UNG: variants seen among roughly 807,000 people sequenced by gnomAD.
The protein encoded by UNG is uracil-DNA glycosylase.
A neutral mutation model predicts 36.5 loss-of-function variants in UNG; 34 were observed. The ratio of observed to expected loss-of-function variants is 0.93; its 90% CI spans 0.71 to 1.24. UNG has a LOEUF of 1.24. Ranked by LOEUF, UNG falls within the 50% of genes most tolerant of loss-of-function variation. The pLI is 0.00. For synonymous variants in UNG, 172 were observed against 157.8 expected (o/e 1.09, Z -0.67); for missense variants, 391 against 397.6 (o/e 0.98, Z 0.14).
rs779824297 is a variant in UNG, at chr12:109,102,868, C to T, written c.563C>T (p.Thr188Ile). 5 of 1,611,858 alleles carry T rather than the reference C, an allele frequency of 3.1e-6. No individual in the cohort carries two copies. Among genetic ancestry groups the T allele is most frequent in the African/African-American group, 1.3e-5 (1 of 74,592 alleles). The change falls in exon 5 of 7, where the codon ACA (threonine) becomes ATA (isoleucine). Residue 188 changes from threonine to isoleucine, a missense_variant. Physicochemically the swap from Thr to Ile is moderately conservative, Grantham distance 89. Transcript: ENST00000242576. Reference sequence around the variant, plus strand: ...GAGAACATTTATAAAGAGTTGTCTACAGACATAGAGGATTTTGTTCATCCT... The same window carrying T: ...GAGAACATTTATAAAGAGTTGTCTATAGACATAGAGGATTTTGTTCATCCT... ...SLENIYKELS[T>I]DIEDFVHPGH...
intron 1 of UNG, 122 bp downstream of exon 1, chr12:109,097,933 T>C (rs545462096): frequency 7.5e-7 from 1 of 1,333,926 alleles, no homozygotes; most frequent in East Asian, 2.6e-5. Context: ...GCTTTCCAAA[T>C]AGCCTCCACG....
rs775976001 is a variant in UNG at position 109,102,938 on chromosome 12, G to A, written c.622+11G>A. 4.6e-6 allele frequency: 7 copies of A among 1,530,344 alleles called. No individual in the cohort carries two copies. The highest frequency in any genetic ancestry group is 3.4e-5 in the Admixed American group (2 of 59,436). The allele number at this position is 1,530,344 out of a possible 1,614,324, so 94.8% of individuals were successfully genotyped here. ...GGTGGGCCAAGCAAGGTAAGCCAGCGACTGCTAGATTTTTTTTTTTTTTTT... is the reference window on the plus strand; with the variant it reads ...GGTGGGCCAAGCAAGGTAAGCCAGCAACTGCTAGATTTTTTTTTTTTTTTT... On this transcript the variant is annotated intron_variant, in intron 5 of 6. Coordinates refer to ENST00000242576, the MANE Select transcript of UNG (RefSeq NM_080911.3).
Position 109,109,993 on chromosome 12 carries a change from G to C in UNG, c.*24G>C, listed in dbSNP as rs1196655620. Reference sequence around the variant, plus strand: ...GATCATCAGCTGAGGGGTGGCCTTTGAGAAGCTGCTGTTAACGTATTTGCC... The same window carrying C: ...GATCATCAGCTGAGGGGTGGCCTTTCAGAAGCTGCTGTTAACGTATTTGCC... On this transcript the variant is annotated 3_prime_UTR_variant, in exon 7 of 7. Coordinates refer to ENST00000242576, the MANE Select transcript of UNG (RefSeq NM_080911.3). The C allele has an allele frequency of 6.2e-7, 1 of 1,614,076 alleles. No homozygotes were observed. The highest frequency in any genetic ancestry group is 1.7e-5 in the Admixed American group (1 of 60,018).
chr12:109,110,432 C>T lies in UNG; in HGVS notation c.*463C>T, dbSNP rs55947010. ...GGCATGCCAGTCTCTGCCAGTTCCA[C>T]TGCCCCCTTGATCTTTGAAGGAGTC... On this transcript the variant is annotated 3_prime_UTR_variant, in exon 7 of 7. Transcript: ENST00000242576. 275 of 208,686 alleles carry T rather than the reference C, an allele frequency of 1.3e-3. 1 individual carries two copies. Among genetic ancestry groups the T allele is most frequent in the African/African-American group, 5.6e-3 (248 of 43,962 alleles). The allele number at this position is 208,686 out of a possible 1,614,324, so 12.9% of individuals were successfully genotyped here.
At chr12:109,099,545 C>G (rs1232645293) in intron 3 of UNG, among the ~76,000 whole-genome samples, 4 of 152,258 alleles carry the variant, frequency 2.6e-5, no homozygotes, top group South Asian at 2.1e-4. Context: ...AACTAACCTC[C>G]CGCGGTGTCA....
Position 109,103,506 on chromosome 12 carries a change from G to T in UNG, c.696G>T (p.Glu232Asp). The stretch of plus-strand genomic sequence containing the variant: ...ACTCTCATAAGGAGCGAGGCTGGGA[G>T]CAGTTCACTGATGCAGTTGTGTCCT... ...QANSHKERGW[E>D]QFTDAVVSWL... The change falls in exon 6 of 7, where the codon GAG becomes GAT. Residue 232 changes from glutamate (E) to aspartate (D), a missense_variant. Physicochemically the swap from Glu to Asp is conservative, Grantham distance 45 (BLOSUM62 2). Coordinates refer to ENST00000242576, the MANE Select transcript of UNG (RefSeq NM_080911.3). 1 of 1,614,254 alleles carries T rather than the reference G, an allele frequency of 6.2e-7. No homozygotes were observed. The highest frequency in any genetic ancestry group is 8.5e-7 in the Non-Finnish European group (1 of 1,180,046).
chr12:109,098,746 C>G (rs554239972), intron 2 of UNG, 108 bp downstream of exon 2: 1 of 1,387,762 alleles, frequency 7.2e-7, no homozygotes, highest in South Asian at 1.2e-5. Flanking sequence ...TTAGGTTGTA[C>G]CCCCTTCAAC....
intron 6 of UNG, 34 bp downstream of exon 6, chr12:109,103,645 T>C: frequency 6.4e-7 from 1 of 1,554,680 alleles, no homozygotes; most frequent in South Asian, 1.2e-5. Context: ...TTTTCTTTTT[T>C]TTTTAACACT....
At chr12:109,098,235 C>G (rs375562618) in intron 1 of UNG, 197 bp from the exon 2 acceptor site, 6 of 1,488,540 alleles carry the variant, frequency 4.0e-6, no homozygotes, top group Non-Finnish European at 8.9e-7. Flanking sequence ...CAGCCCGTCT[C>G]CCCGCTCCAG....
intron 3 of UNG, among the ~76,000 whole-genome samples, chr12:109,100,593 C>T (rs2042169023): frequency 6.6e-6 from 1 of 152,074 alleles, no homozygotes; most frequent in Non-Finnish European, 1.5e-5. Context: ...TGTTTGAATG[C>T]CCTATTCTGA....
At position 109,109,865 on chromosome 12, in the gene UNG, C is replaced by G; in HGVS notation, c.838C>G (p.Pro280Ala). The change falls in exon 7 of 7, where the codon CCT becomes GCT. Residue 280 changes from proline (P) to alanine (A), a missense_variant. Pro to Ala is a conservative substitution (Grantham distance 27). Transcript: ENST00000242576. ...TGTACTACAGACGGCTCATCCCTCC[C>G]CTTTGTCAGTGTATAGAGGGTTCTT... is the stretch of plus-strand genomic sequence containing the variant. The part of the protein sequence containing the change: ...HHVLQTAHPS[P>A]LSVYRGFFGC... The G allele has an allele frequency of 6.2e-7, 1 of 1,614,142 alleles. No individual in the cohort carries two copies. The highest frequency in any genetic ancestry group is 8.5e-7 in the Non-Finnish European group (1 of 1,180,032).
chr12:109,104,732 TC>T (rs2042203907), intron 6 of UNG, among the ~76,000 whole-genome samples: 1 of 151,924 alleles, frequency 6.6e-6, no homozygotes, highest in African/African-American at 2.4e-5. Context: ...AGGGGTGTGT[TC>T]ATCCCTGGCA....
At chr12:109,102,486 A>G (rs1330833185) in intron 4 of UNG, among the ~76,000 whole-genome samples, 3 of 151,956 alleles carry the variant, frequency 2.0e-5, no homozygotes, top group Non-Finnish European at 2.9e-5. Context: ...AAAAAAAAAA[A>G]GAACCACTGC....
chr12:109,107,724 C>T (rs1470029774), intron 6 of UNG, among the ~76,000 whole-genome samples: 1 of 151,662 alleles, frequency 6.6e-6, no homozygotes, highest in Non-Finnish European at 1.5e-5. Flanking sequence ...GGAGTTTCTT[C>T]ATGTTGGTCA....
At chr12:109,100,077 C>T (rs145296454) in intron 3 of UNG, among the ~76,000 whole-genome samples, 3 of 150,132 alleles carry the variant, frequency 2.0e-5, no homozygotes, top group African/African-American at 7.5e-5. Flanking sequence ...AAAAAAAAAA[C>T]CGTGGCTTCT....
chr12:109,107,586 C>T (rs1218572108), intron 6 of UNG, among the ~76,000 whole-genome samples: 3 of 138,588 alleles, frequency 2.2e-5, no homozygotes, highest in East Asian at 2.2e-4. Flanking sequence ...AGTGCAATGG[C>T]GTGATCTCAG....
At chr12:109,103,683 G>C in intron 6 of UNG, 72 bp downstream of exon 6, 6 of 1,474,484 alleles carry the variant, frequency 4.1e-6, no homozygotes, top group Non-Finnish European at 5.5e-6. Flanking sequence ...AATTCTAGGA[G>C]TCCCTGCTGT....
At chr12:109,100,969 C>T (rs986246397) in intron 3 of UNG, among the ~76,000 whole-genome samples, 2 of 152,108 alleles carry the variant, frequency 1.3e-5, no homozygotes, top group African/African-American at 4.8e-5. Flanking sequence ...GTGACAGGAA[C>T]TTCATTTCAT....
intron 6 of UNG, among the ~76,000 whole-genome samples, chr12:109,109,365 G>A (rs755288250): frequency 1.3e-5 from 2 of 151,988 alleles, no homozygotes; most frequent in African/African-American, 4.8e-5. Flanking sequence ...CTCAACAAAC[G>A]GACTAATGTT....
Sources: allele counts gnomAD v4.1 joint callset (sites outside exome capture counted in the v4.1 genomes callset), GRCh38; gene constraint gnomAD v4.1.1; transcripts MANE v1.5; gene names NCBI Gene and HGNC (gene_info 2026-07-23, HGNC 2026-07-21).